Variants in FNBP4 observed in about 807,000 individuals in gnomAD.
The protein encoded by FNBP4 is formin binding protein 4.
Under a neutral mutation model 119.3 loss-of-function variants are expected in FNBP4, and 34 were observed. The observed-to-expected ratio is 0.28, with a 90% CI of 0.22 to 0.38. The LOEUF is 0.38. Among genes scored for constraint, FNBP4 ranks in the 10% least tolerant of loss-of-function variants. The pLI, the probability that FNBP4 is intolerant of heterozygous loss-of-function variation, is 1.00. For missense variants in FNBP4, 1,112 were observed against 1,228.9 expected (o/e 0.90, Z 1.42); for synonymous variants, 462 against 430.6 (o/e 1.07, Z -0.90).
intron 2 of FNBP4, among the ~76,000 whole-genome samples, chr11:47,764,692 A>G (rs1054764257): frequency 6.6e-6 from 1 of 152,202 alleles, no homozygotes; most frequent in Admixed American, 6.6e-5. Context: ...CAGAGTAGAG[A>G]AAATTAACAT....
At chr11:47,720,232 C>T in intron 15 of FNBP4, 146 bp from the exon 16 acceptor site, 1 of 821,926 alleles carries the variant, frequency 1.2e-6, no homozygotes, top group East Asian at 3.0e-5. Flanking sequence ...AAGTTCTTGC[C>T]ATAAATTTCT....
intron 8 of FNBP4, among the ~76,000 whole-genome samples, chr11:47,742,397 G>A (rs1243933338): frequency 1.6e-4 from 21 of 134,258 alleles, no homozygotes; most frequent in Non-Finnish European, 3.3e-4. Flanking sequence ...AGAATTGCTT[G>A]ACCCCGGGAG....
intron 8 of FNBP4, among the ~76,000 whole-genome samples, chr11:47,739,705 A>G (rs1449831406): frequency 6.6e-6 from 1 of 152,200 alleles, no homozygotes; most frequent in Non-Finnish European, 1.5e-5. Flanking sequence ...CAGGAGCATC[A>G]ATTGAGCCCA....
At position 47,766,315 on chromosome 11, in the gene FNBP4, G is replaced by GA. The variant is rs1340615220; in HGVS notation, c.220+753dup. Reference sequence around the variant, plus strand: ...GGGCGACAGATTGAGACATTGTCTCGAAAAAAACAAAACAAAACTCTTAAA... The same window carrying GA: ...GGGCGACAGATTGAGACATTGTCTCGAAAAAAAACAAAACAAAACTCTTAAA... On this transcript the variant is annotated intron_variant, in intron 1 of 16. Coordinates refer to ENST00000263773, the MANE Select transcript of FNBP4 (RefSeq NM_015308.5). 1.8e-4 allele frequency among the ~76,000 whole-genome samples: 27 copies of GA among 151,866 alleles called. No individual in the cohort carries two copies. The East Asian group carries it at 3.9e-3, about 22-fold the overall frequency.
chr11:47,746,593 C>T (rs574811906), intron 6 of FNBP4, among the ~76,000 whole-genome samples, 199 bp from the exon 7 acceptor site: 108 of 152,174 alleles, frequency 7.1e-4, no homozygotes, highest in Non-Finnish European at 1.3e-3. Flanking sequence ...TGGCTCACTG[C>T]AACCTCTGCC....
At position 47,751,656 on chromosome 11, in the gene FNBP4, A is replaced by T. The variant is rs569165597; in HGVS notation, c.638-366T>A. Among the ~76,000 whole-genome samples the T allele has an allele frequency of 9.3e-4, 141 of 151,058 alleles. 1 individual carries two copies. Among genetic ancestry groups the T allele is most frequent in the African/African-American group, 2.6e-3 (107 of 41,232 alleles). On this transcript the variant is annotated intron_variant, in intron 4 of 16. Transcript: ENST00000263773. ...AGAGTCACCTTTGAACACATTTTTT[A>T]AAAAAAAACAGTTTGGCCGGCTACA...
intron 2 of FNBP4, among the ~76,000 whole-genome samples, chr11:47,758,524 C>T (rs1361928827): frequency 7.9e-5 from 12 of 152,060 alleles, no homozygotes; most frequent in Non-Finnish European, 1.8e-4. Flanking sequence ...TGTGAGCCAC[C>T]TCACCTGATC....
rs2097568236 is a variant in FNBP4, at chr11:47,732,205, T to C, written c.1820+332A>G. 2 of 1,062,218 alleles carry C rather than the reference T, an allele frequency of 1.9e-6. No individual in the cohort carries two copies. The highest frequency in any genetic ancestry group is 2.3e-6 in the Non-Finnish European group (2 of 879,784). 65.8% of individuals were successfully genotyped at this position (1,062,218 alleles called of 1,614,324 possible). On this transcript the variant is annotated intron_variant, in intron 11 of 16. Coordinates refer to ENST00000263773, the MANE Select transcript of FNBP4 (RefSeq NM_015308.5). The surrounding 1 kb of genome is among the most constrained non-coding windows in gnomAD (Gnocchi z 4.2). ...CTTCACCGAGGTTAATCAGGAGTAG[T>C]TGCTTCCAGAGGTCCTGTAAAGCGC...
chr11:47,742,626 G>T (rs1483976180), intron 8 of FNBP4, among the ~76,000 whole-genome samples: 1 of 151,874 alleles, frequency 6.6e-6, no homozygotes, highest in Non-Finnish European at 1.5e-5. Flanking sequence ...GCTGGCTCAT[G>T]CCTGTAATCC....
intron 15 of FNBP4, among the ~76,000 whole-genome samples, chr11:47,720,943 A>T (rs896841508): frequency 2.6e-5 from 4 of 152,010 alleles, no homozygotes; most frequent in African/African-American, 7.2e-5. Context: ...CCAAGATTGC[A>T]CCATTGCACT....
chr11:47,755,444 C>G (rs375141215), intron 2 of FNBP4, among the ~76,000 whole-genome samples: 1 of 151,512 alleles, frequency 6.6e-6, no homozygotes. Flanking sequence ...AGTGAAAATC[C>G]GTCTCAAAAT....
intron 2 of FNBP4, among the ~76,000 whole-genome samples, chr11:47,759,847 G>C (rs907742306): frequency 1.3e-5 from 2 of 152,138 alleles, no homozygotes; most frequent in Non-Finnish European, 2.9e-5. Context: ...CAGCTACTTG[G>C]GAGGCTGAGG....
chr11:47,742,477 CAAAAAAAAAAAAAAAAAAAAAA>C (rs568784009), intron 8 of FNBP4, among the ~76,000 whole-genome samples: 2 of 23,750 alleles, frequency 8.4e-5, no homozygotes, highest in African/African-American at 3.1e-4. Context: ...GACTCCGTCT[CAAAAAAAAAAAAAAAAAAAAAA>C]AAAAAAGGAC....
Position 47,723,172 on chromosome 11 carries a change from G to C in FNBP4, c.2609C>G (p.Ala870Gly). ...AGAACATTCTGCATAACTCATAATT[G>C]CAGGTGCTGCCGCTAGTCCAAGGTA... ...SNYLGLAAAP[A>G]IMSYAECSVP... is the part of the protein sequence containing the mutation. The change falls in exon 15 of 17, where the codon GCA becomes GGA. Residue 870 changes from alanine to glycine, a missense_variant. Coordinates refer to ENST00000263773, the MANE Select transcript of FNBP4 (RefSeq NM_015308.5). 1 of 1,614,098 alleles carries C rather than the reference G, an allele frequency of 6.2e-7. No homozygotes were observed. Among genetic ancestry groups the C allele is most frequent in the Non-Finnish European group, 8.5e-7 (1 of 1,180,028 alleles).
intron 16 of FNBP4, among the ~76,000 whole-genome samples, chr11:47,718,381 T>A (rs1031619760): frequency 6.6e-6 from 1 of 151,956 alleles, no homozygotes; most frequent in African/African-American, 2.4e-5. Flanking sequence ...GTCCAGCTAA[T>A]TTTTATATTT....
chr11:47,722,695 A>G (rs1181321208), intron 15 of FNBP4, among the ~76,000 whole-genome samples: 1 of 151,968 alleles, frequency 6.6e-6, no homozygotes, highest in African/African-American at 2.4e-5. Context: ...GGTTCAAGCG[A>G]TTCTCCTGCC....
At chr11:47,734,894 A>G (rs2097571838) in intron 9 of FNBP4, among the ~76,000 whole-genome samples, 1 of 151,336 alleles carries the variant, frequency 6.6e-6, no homozygotes. Flanking sequence ...AATTGCTTGA[A>G]CCTGGGAGGT....
chr11:47,717,194 A>G lies in FNBP4; in HGVS notation c.*228T>C. ...CTAACATGCTAAGTTTGCCAGTTTG[A>G]GAATAAAGGCAGCATGGTCAAAGCA... On this transcript the variant is annotated 3_prime_UTR_variant, in exon 17 of 17. Coordinates refer to ENST00000263773, the MANE Select transcript of FNBP4 (RefSeq NM_015308.5). 2.1e-6 allele frequency: 1 copy of G among 471,416 alleles called. No individual in the cohort carries two copies. Among genetic ancestry groups the G allele is most frequent in the Non-Finnish European group, 3.8e-6 (1 of 265,356 alleles). The allele number at this position is 471,416 out of a possible 1,614,324, so 29.2% of individuals were successfully genotyped here. A position where few individuals can be genotyped will look rare whatever the true frequency, so the allele number is the denominator to read the frequency against.
At chr11:47,762,399 T>C (rs1399621198) in intron 2 of FNBP4, among the ~76,000 whole-genome samples, 1 of 152,114 alleles carries the variant, frequency 6.6e-6, no homozygotes, top group South Asian at 2.1e-4. Context: ...AGTGCTGGAA[T>C]TACACGCGTG....
Sources: allele counts gnomAD v4.1 joint callset (sites outside exome capture counted in the v4.1 genomes callset), GRCh38; gene constraint gnomAD v4.1.1; non-coding constraint Gnocchi (gnomAD v3.1); transcripts MANE v1.5; gene names NCBI Gene and HGNC (gene_info 2026-07-23, HGNC 2026-07-21).